The following TENM2 variants were observed in gnomAD, a reference collection of about 807,000 sequenced individuals.
The protein encoded by TENM2 is teneurin transmembrane protein 2.
A neutral mutation model predicts 245.2 loss-of-function variants in TENM2; 52 were observed. The ratio of observed to expected loss-of-function variants is 0.21; its 90% CI spans 0.17 to 0.27. TENM2 has a LOEUF of 0.27. TENM2 is among the 10% of genes least tolerant of loss of function. TENM2 has a pLI of 1.00. For synonymous variants in TENM2, 1,363 were observed against 1,438.9 expected (o/e 0.95, Z 1.19); for missense variants, 3,046 against 3,666.8 (o/e 0.83, Z 4.37).
At chr5:167,993,484 C>T (rs892667027) in intron 5 of TENM2, among the ~76,000 whole-genome samples, 1 of 152,254 alleles carries the variant, frequency 6.6e-6, no homozygotes, top group African/African-American at 2.4e-5. Context: ...CCCTCACTCT[C>T]AGAGTGGCCT....
intron 1 of TENM2, among the ~76,000 whole-genome samples, chr5:167,344,044 A>G (rs1360888349): frequency 6.6e-6 from 1 of 151,530 alleles, no homozygotes; most frequent in East Asian, 1.9e-4. Context: ...GCTGCCAAAC[A>G]GGATCAGAAT....
chr5:167,621,857 T>C (rs780153136), intron 2 of TENM2, among the ~76,000 whole-genome samples: 9 of 152,176 alleles, frequency 5.9e-5, no homozygotes, highest in Non-Finnish European at 8.8e-5. Context: ...AATTTGGAAT[T>C]TCTGAGAGTA....
At chr5:167,790,737 A>G (rs1327814990) in intron 2 of TENM2, among the ~76,000 whole-genome samples, 1 of 152,112 alleles carries the variant, frequency 6.6e-6, no homozygotes, top group East Asian at 1.9e-4. Context: ...TTTCCAAGTC[A>G]CTTTTTGGCA....
At chr5:167,602,242 A>G (rs1274601035) in intron 2 of TENM2, among the ~76,000 whole-genome samples, 1 of 152,126 alleles carries the variant, frequency 6.6e-6, no homozygotes, top group East Asian at 1.9e-4. Context: ...TTTCTCATCT[A>G]TTTCTCGCCA....
chr5:167,977,347 A>G (rs992911420), intron 4 of TENM2, among the ~76,000 whole-genome samples: 1 of 152,252 alleles, frequency 6.6e-6, no homozygotes, highest in African/African-American at 2.4e-5. Context: ...AGGAAAAAAG[A>G]AAAGTATGTC....
the TENM2 span, among the ~76,000 whole-genome samples, chr5:167,161,405 C>T: frequency 2.6e-4 from 40 of 152,210 alleles, no homozygotes; most frequent in East Asian, 6.9e-3. Flanking sequence ...CTTTCTTCCC[C>T]GTTCTTCAAC....
At chr5:168,250,665 C>T (rs924057533) in intron 27 of TENM2, among the ~76,000 whole-genome samples, 1 of 152,146 alleles carries the variant, frequency 6.6e-6, no homozygotes, top group African/African-American at 2.4e-5. Context: ...ATCCCCAAGC[C>T]CCAGAAGCAT....
intron 1 of TENM2, among the ~76,000 whole-genome samples, chr5:167,314,522 G>T (rs1433343735): frequency 6.6e-6 from 1 of 152,104 alleles, no homozygotes; most frequent in Non-Finnish European, 1.5e-5. Flanking sequence ...TGAATTTGGA[G>T]AAATGAGAAA....
chr5:167,596,806 A>T (rs958710562), intron 2 of TENM2, among the ~76,000 whole-genome samples: 4 of 151,872 alleles, frequency 2.6e-5, no homozygotes, highest in African/African-American at 9.7e-5. Flanking sequence ...AAAAAAAAAA[A>T]AAAAGAAGAA....
intron 5 of TENM2, among the ~76,000 whole-genome samples, chr5:168,000,749 G>A (rs548851680): frequency 6.6e-6 from 1 of 152,326 alleles, no homozygotes; most frequent in Admixed American, 6.5e-5. Context: ...TAACAACCAT[G>A]TGAATAGGTA....
chr5:167,408,394 G>A (rs186709940), intron 2 of TENM2, among the ~76,000 whole-genome samples: 594 of 152,204 alleles, frequency 3.9e-3, no homozygotes, highest in Non-Finnish European at 6.9e-3. Context: ...AGCTCTAGTA[G>A]ATGACAAATT....
At chr5:167,180,488 G>C in the TENM2 span, among the ~76,000 whole-genome samples, 1 of 152,114 alleles carries the variant, frequency 6.6e-6, no homozygotes. Flanking sequence ...CTGTAGACAG[G>C]CTGAGTTTTG....
the TENM2 span, among the ~76,000 whole-genome samples, chr5:167,239,975 T>G: frequency 6.6e-6 from 1 of 152,200 alleles, no homozygotes; most frequent in Non-Finnish European, 1.5e-5. Context: ...GGTTCTTCCA[T>G]GTTGGTCAGG....
chr5:167,986,136 G>GTT (rs1783230781), intron 4 of TENM2, among the ~76,000 whole-genome samples: 3 of 152,300 alleles, frequency 2.0e-5, no homozygotes, highest in African/African-American at 7.2e-5. Context: ...CCAATTTGAA[G>GTT]CAGAAGCCTG....
chr5:167,655,575 C>CA (rs1316938160), intron 2 of TENM2, among the ~76,000 whole-genome samples: 2 of 152,182 alleles, frequency 1.3e-5, no homozygotes, highest in Non-Finnish European at 2.9e-5. Context: ...TGCACAAAAT[C>CA]ATTTTATCAT....
At position 168,208,290 on chromosome 5, in the gene TENM2, A is replaced by T. The variant is rs941515062; in HGVS notation, c.3825-3444A>T. Among the ~76,000 whole-genome samples the T allele has an allele frequency of 3.9e-5, 6 of 152,324 alleles. No individual in the cohort carries two copies. In the South Asian group the frequency reaches 1.0e-3, roughly 26 times the overall value. ...TGAAATTTCCATTTTTTTATTTTTTAAACATAAAATAATATTATGATATTA... is the reference window on the plus strand; with the variant it reads ...TGAAATTTCCATTTTTTTATTTTTTTAACATAAAATAATATTATGATATTA... On this transcript the variant is annotated intron_variant, in intron 19 of 28. Coordinates refer to ENST00000518659, the Ensembl canonical transcript of TENM2.
intron 2 of TENM2, among the ~76,000 whole-genome samples, chr5:167,433,112 A>T (rs189620069): frequency 2.9e-5 from 4 of 138,846 alleles, no homozygotes; most frequent in African/African-American, 8.7e-5. Flanking sequence ...GGTAATAAAT[A>T]TTGAATTTTT....
intron 3 of TENM2, among the ~76,000 whole-genome samples, chr5:167,883,806 G>A (rs527928435): frequency 9.8e-5 from 15 of 152,302 alleles, no homozygotes; most frequent in Middle Eastern, 3.4e-3. Context: ...AGCTTCCTGC[G>A]TAATATTCAA....
At chr5:167,580,251 G>A (rs1356780049) in intron 2 of TENM2, among the ~76,000 whole-genome samples, 7 of 152,308 alleles carry the variant, frequency 4.6e-5, no homozygotes, top group East Asian at 3.9e-4. Context: ...AGGAAAATCC[G>A]AACTAGCGAA....
Sources: allele counts gnomAD v4.1 joint callset (sites outside exome capture counted in the v4.1 genomes callset), GRCh38; gene constraint gnomAD v4.1.1; transcripts MANE v1.5; gene names NCBI Gene and HGNC (gene_info 2026-07-23, HGNC 2026-07-21).